Variants in FNBP1 observed in about 807,000 individuals in gnomAD.
The protein encoded by FNBP1 is formin binding protein 1.
FNBP1 carries 26 observed loss-of-function variants against 90.6 expected under a neutral mutation model. That is an observed-to-expected ratio of 0.29 (90% CI 0.21 to 0.40). The LOEUF (loss-of-function observed/expected upper bound fraction) is 0.40, where lower values mean the gene tolerates loss of function less well. Ranked by LOEUF, FNBP1 falls within the 10% of genes least tolerant of loss-of-function variation. FNBP1 has a pLI of 1.00. For synonymous variants in FNBP1, 260 were observed against 265.2 expected (o/e 0.98, Z 0.19); for missense variants, 635 against 768.0 (o/e 0.83, Z 2.05).
the FNBP1 span, among the ~76,000 whole-genome samples, chr9:130,048,627 C>A: frequency 6.6e-6 from 1 of 151,022 alleles, no homozygotes; most frequent in East Asian, 2.0e-4. Flanking sequence ...TACAGGCGCC[C>A]GCCATCACGC....
At chr9:129,899,822 G>C in intron 15 of FNBP1, 143 bp downstream of exon 15, 1 of 629,936 alleles carries the variant, frequency 1.6e-6, no homozygotes. Context: ...AAGGGGAAGG[G>C]GAAGGGAAGG....
At chr9:129,990,593 G>C (rs2052974696) in intron 2 of FNBP1, among the ~76,000 whole-genome samples, 1 of 152,150 alleles carries the variant, frequency 6.6e-6, no homozygotes, top group Non-Finnish European at 1.5e-5. Context: ...AGGTTTTGGA[G>C]GACTTTCACC....
At chr9:129,951,737 AC>A (rs1224519841) in intron 6 of FNBP1, among the ~76,000 whole-genome samples, 3 of 151,928 alleles carry the variant, frequency 2.0e-5, no homozygotes, top group South Asian at 4.1e-4. Flanking sequence ...GAGCCACTAT[AC>A]CCAGCTTTAT....
chr9:130,014,833 T>C (rs1198504106), intron 1 of FNBP1, among the ~76,000 whole-genome samples: 1 of 152,048 alleles, frequency 6.6e-6, no homozygotes, highest in East Asian at 1.9e-4. Context: ...ATTGAACTAT[T>C]ACTTTTTCCT....
intron 12 of FNBP1, among the ~76,000 whole-genome samples, chr9:129,905,294 G>GTGTGTATATA (rs374989661): frequency 3.4e-4 from 45 of 132,346 alleles, no homozygotes; most frequent in South Asian, 3.0e-3. Flanking sequence ...GTGTGTGTGT[G>GTGTGTATATA]TATATATATA....
intron 11 of FNBP1, among the ~76,000 whole-genome samples, chr9:129,909,785 G>A (rs1028355369): frequency 4.6e-5 from 7 of 152,022 alleles, no homozygotes; most frequent in East Asian, 1.9e-4. Flanking sequence ...CACCACGCCC[G>A]GCTAATTTTC....
chr9:130,002,957 C>G (rs193041477), intron 1 of FNBP1, among the ~76,000 whole-genome samples: 2 of 152,076 alleles, frequency 1.3e-5, no homozygotes, highest in Admixed American at 6.6e-5. Flanking sequence ...AGTTATGAGA[C>G]GCTGAATAAA....
intron 6 of FNBP1, 23 bp from the exon 7 acceptor site, chr9:129,929,718 T>G: frequency 6.2e-7 from 1 of 1,613,330 alleles, no homozygotes; most frequent in Non-Finnish European, 8.5e-7. Context: ...ACAAGAATAC[T>G]CCTACGTTTA....
chr9:129,978,092 C>G (rs992496238), intron 4 of FNBP1, among the ~76,000 whole-genome samples: 1 of 151,924 alleles, frequency 6.6e-6, no homozygotes, highest in African/African-American at 2.4e-5. Flanking sequence ...AAAATCTCGG[C>G]TCACTGCAAC....
rs1358610910 is a variant in FNBP1 at position 129,910,505 on chromosome 9, AGAG to A, written c.1186-1509_1186-1507del. Among the ~76,000 whole-genome samples, 5 of 23,870 alleles carry A rather than the reference AGAG, an allele frequency of 2.1e-4. 1 individual carries two copies. The highest frequency in any genetic ancestry group is 2.3e-4 in the Non-Finnish European group (2 of 8,884). 15.7% of individuals were successfully genotyped at this position (23,870 alleles called of 152,430 possible). Reference sequence around the variant, plus strand: ...TCAAAAAAACAAAAAAAAAAAAAAAAGAGAGAGAGAAATTTCTTCAAATAACCA... The same window carrying A: ...TCAAAAAAACAAAAAAAAAAAAAAAAAGAGAGAAATTTCTTCAAATAACCA... On this transcript the variant is annotated intron_variant, in intron 11 of 16. Transcript: ENST00000446176.
intron 6 of FNBP1, among the ~76,000 whole-genome samples, chr9:129,956,963 G>T (rs942907148): frequency 1.3e-5 from 2 of 151,650 alleles, no homozygotes; most frequent in African/African-American, 4.8e-5. Context: ...GGCTACATTA[G>T]AAATGAGAAC....
chr9:130,043,751 G>C (rs911554353), upstream of FNBP1, among the ~76,000 whole-genome samples: 1 of 152,204 alleles, frequency 6.6e-6, no homozygotes. Flanking sequence ...ATCCAGGGGC[G>C]TGCACCCAGT....
At chr9:129,973,452 G>C (rs760306672) in intron 4 of FNBP1, among the ~76,000 whole-genome samples, 1 of 152,156 alleles carries the variant, frequency 6.6e-6, no homozygotes, top group Non-Finnish European at 1.5e-5. Flanking sequence ...TGGTTATTAC[G>C]AGAAGGTCTT....
intron 1 of FNBP1, among the ~76,000 whole-genome samples, chr9:130,008,163 G>A (rs1380107592): frequency 3.3e-5 from 5 of 151,444 alleles, no homozygotes; most frequent in Non-Finnish European, 7.4e-5. Flanking sequence ...TGAGCAACAT[G>A]GCGAGACCCA....
At chr9:129,920,108 C>T (rs2040862742) in intron 10 of FNBP1, among the ~76,000 whole-genome samples, 2 of 152,134 alleles carry the variant, frequency 1.3e-5, no homozygotes, top group Non-Finnish European at 1.5e-5. Context: ...ACGATTGCTT[C>T]TAGTGGGTAT....
intron 6 of FNBP1, among the ~76,000 whole-genome samples, chr9:129,947,013 T>C (rs2045396961): frequency 6.6e-6 from 1 of 152,222 alleles, no homozygotes; most frequent in Non-Finnish European, 1.5e-5. Flanking sequence ...TCATCCAAGT[T>C]TGTATAGCAT....
At chr9:129,901,775 G>C (rs1050316744) in intron 13 of FNBP1, among the ~76,000 whole-genome samples, 2 of 152,086 alleles carry the variant, frequency 1.3e-5, no homozygotes, top group Non-Finnish European at 2.9e-5. Flanking sequence ...AGCCGGGTGT[G>C]GTGGTACACA....
intron 1 of FNBP1, among the ~76,000 whole-genome samples, chr9:130,011,436 T>TCCTGG (rs1431541176): frequency 3.3e-5 from 5 of 151,802 alleles, no homozygotes; most frequent in Non-Finnish European, 7.4e-5. Context: ...TGCTGGAACT[T>TCCTGG]AACCTCCAAG....
the FNBP1 span, chr9:130,053,871 G>A: frequency 6.6e-7 from 1 of 1,511,156 alleles, no homozygotes; most frequent in Admixed American, 2.0e-5. Context: ...CCTTCCGGCG[G>A]CTGCGCCCTT....
Sources: allele counts gnomAD v4.1 joint callset (sites outside exome capture counted in the v4.1 genomes callset), GRCh38; gene constraint gnomAD v4.1.1; transcripts MANE v1.5; gene names NCBI Gene and HGNC (gene_info 2026-07-23, HGNC 2026-07-21).